The following TRAF3 variants were observed in gnomAD, a reference collection of about 807,000 sequenced individuals.
TRAF3 encodes TNF receptor associated factor 3.
Under a neutral mutation model 62.3 loss-of-function variants are expected in TRAF3, and 13 were observed. The observed-to-expected ratio is 0.21, with a 90% confidence interval of 0.14 to 0.33. The LOEUF is 0.33. TRAF3 is among the 10% of genes least tolerant of loss of function. The pLI is 1.00. For synonymous variants in TRAF3, 269 were observed against 283.4 expected, an observed-to-expected ratio of 0.95 and a Z score of 0.51; for missense variants, 440 against 741.8, an observed-to-expected ratio of 0.59 and a Z score of 4.73.
chr14:102,872,734 C>T (rs1268179998), intron 4 of TRAF3, among the ~76,000 whole-genome samples: 1 of 151,520 alleles, frequency 6.6e-6, no homozygotes, highest in Non-Finnish European at 1.5e-5. Context: ...TCTTGTTGCA[C>T]AGGCTGGAGC....
At position 102,905,313 on chromosome 14, in the gene TRAF3, C is replaced by T. The variant is rs1890535015; in HGVS notation, c.1236C>T (p.Ala412=). Residue 412 remains alanine (A), a synonymous_variant, in exon 12 of 12, where the codon GCC becomes GCT. Transcript: ENST00000392745. Reference sequence around the variant, plus strand: ...TGCGCTTCCAGGTCCTGGAGACCGCCAGCTACAATGGAGTGCTCATCTGGA... The same window carrying T: ...TGCGCTTCCAGGTCCTGGAGACCGCTAGCTACAATGGAGTGCTCATCTGGA... ...MDLRFQVLET[A]SYNGVLIWKI... 1.9e-6 allele frequency: 3 copies of T among 1,614,084 alleles called. No homozygotes were observed. The highest frequency in any genetic ancestry group is 2.5e-6 in the Non-Finnish European group (3 of 1,180,042).
chr14:102,890,213 G>A (rs1384059325), intron 8 of TRAF3, among the ~76,000 whole-genome samples: 1 of 152,240 alleles, frequency 6.6e-6, no homozygotes, highest in African/African-American at 2.4e-5. Flanking sequence ...TCTGCATCTG[G>A]TGTTTTGTTG....
In TRAF3 at chr14:102,872,064, C is replaced by T. The variant is rs573651585; in HGVS notation, c.297+96C>T. ...ATTCGGCACTCTGGCACAACACATT[C>T]TCTCAGTTTTGGCAGCTGATGCGGC... is the stretch of plus-strand genomic sequence containing the variant. On this transcript the variant is annotated intron_variant, in intron 4 of 11. Coordinates refer to ENST00000392745, the MANE Select transcript of TRAF3 (RefSeq NM_145725.3). 18 of 1,355,112 alleles carry T rather than the reference C, an allele frequency of 1.3e-5. No individual in the cohort carries two copies. In the South Asian group the frequency reaches 1.9e-4, roughly 14 times the overall value. 83.9% of individuals were successfully genotyped at this position (1,355,112 alleles called of 1,614,324 possible).
intron 1 of TRAF3, among the ~76,000 whole-genome samples, chr14:102,807,817 A>G (rs545575713): frequency 1.3e-5 from 2 of 152,310 alleles, no homozygotes; most frequent in Admixed American, 6.5e-5. Flanking sequence ...ACAGAAAGGT[A>G]GGCGCATAGT....
chr14:102,859,769 A>G (rs1887577164), intron 2 of TRAF3, among the ~76,000 whole-genome samples: 1 of 152,204 alleles, frequency 6.6e-6, no homozygotes, highest in Non-Finnish European at 1.5e-5. Context: ...AAATACACAG[A>G]CAGAAGAAAA....
intron 2 of TRAF3, among the ~76,000 whole-genome samples, chr14:102,866,367 A>G (rs1489685696): frequency 2.0e-5 from 3 of 152,178 alleles, no homozygotes; most frequent in African/African-American, 7.2e-5. Flanking sequence ...ATACCCATAT[A>G]ACAAGTCTGC....
intron 1 of TRAF3, among the ~76,000 whole-genome samples, chr14:102,825,267 G>A (rs879648384): frequency 3.9e-5 from 6 of 152,212 alleles, no homozygotes; most frequent in Non-Finnish European, 7.3e-5. Context: ...TTAAAGCCTC[G>A]CTGCCACCTC....
At chr14:102,806,081 G>A (rs1898756462) in intron 1 of TRAF3, among the ~76,000 whole-genome samples, 1 of 151,966 alleles carries the variant, frequency 6.6e-6, no homozygotes, top group Admixed American at 6.6e-5. Context: ...ACCTTCAGAA[G>A]TGGGGTGGGG....
intron 2 of TRAF3, among the ~76,000 whole-genome samples, chr14:102,846,870 G>C (rs937967840): frequency 4.6e-5 from 7 of 152,110 alleles, no homozygotes. Flanking sequence ...CGTATGTGGT[G>C]GAAGGGTTTT....
intron 9 of TRAF3, 128 bp downstream of exon 9, chr14:102,891,545 ACT>A (rs1889714573): frequency 3.9e-6 from 4 of 1,031,888 alleles, no homozygotes; most frequent in South Asian, 1.4e-5. Flanking sequence ...GTCAAAAAAA[ACT>A]CTGTGTGATC....
chr14:102,830,723 C>T (rs993371008), intron 2 of TRAF3, among the ~76,000 whole-genome samples: 3 of 152,168 alleles, frequency 2.0e-5, no homozygotes, highest in African/African-American at 7.2e-5. Context: ...GCCGAGCCTG[C>T]AAACTGGAAT....
At chr14:102,818,941 A>AT (rs910351811) in intron 1 of TRAF3, among the ~76,000 whole-genome samples, 1 of 151,716 alleles carries the variant, frequency 6.6e-6, no homozygotes. Context: ...AATAAATACA[A>AT]TTTTTTTTGT....
intron 2 of TRAF3, 135 bp from the exon 3 acceptor site, chr14:102,870,050 A>G (rs1410568054): frequency 6.7e-6 from 7 of 1,041,098 alleles, no homozygotes; most frequent in African/African-American, 6.3e-5. Context: ...CCCAACACAT[A>G]TTAAAGTTGG....
At chr14:102,829,133 A>G (rs1900506573) in intron 1 of TRAF3, among the ~76,000 whole-genome samples, 1 of 152,206 alleles carries the variant, frequency 6.6e-6, no homozygotes, top group Non-Finnish European at 1.5e-5. Context: ...GCAATGAATT[A>G]GTGGCCCCAA....
chr14:102,795,416 C>T (rs1448730627), intron 1 of TRAF3, among the ~76,000 whole-genome samples: 1 of 152,208 alleles, frequency 6.6e-6, no homozygotes, highest in Non-Finnish European at 1.5e-5. Flanking sequence ...CCCCAACAAC[C>T]CTGGCTGGAA....
At position 102,802,013 on chromosome 14, in the gene TRAF3, C is replaced by T. The variant is rs1212385330; in HGVS notation, c.-157+24338C>T. On this transcript the variant is annotated intron_variant, in intron 1 of 11. Transcript: ENST00000392745. Reference sequence around the variant, plus strand: ...CCTGGGCGACAGAGCGAGACTCCATCTCAAAAAAAAAAAAAAATTTTTTTT... The same window carrying T: ...CCTGGGCGACAGAGCGAGACTCCATTTCAAAAAAAAAAAAAAATTTTTTTT... Among the ~76,000 whole-genome samples, 4 of 127,312 alleles carry T rather than the reference C, an allele frequency of 3.1e-5. No individual in the cohort carries two copies. The East Asian group carries it at 1.1e-3, about 34-fold the overall frequency. The allele number at this position is 127,312 out of a possible 152,430, so 83.5% of individuals were successfully genotyped here. A position where few individuals can be genotyped will look rare whatever the true frequency, so the allele number is the denominator to read the frequency against.
intron 1 of TRAF3, among the ~76,000 whole-genome samples, chr14:102,813,917 A>G (rs1343304011): frequency 1.3e-5 from 2 of 152,112 alleles, no homozygotes; most frequent in African/African-American, 4.8e-5. Flanking sequence ...TTTTAGCTTG[A>G]TATAATCCCA....
chr14:102,798,177 T>C (rs910815892), intron 1 of TRAF3, among the ~76,000 whole-genome samples: 2 of 152,120 alleles, frequency 1.3e-5, no homozygotes, highest in Admixed American at 6.5e-5. Flanking sequence ...AAACAACATT[T>C]AAAACATTTA....
At chr14:102,779,640 A>G (rs1487964264) in intron 1 of TRAF3, among the ~76,000 whole-genome samples, 2 of 152,206 alleles carry the variant, frequency 1.3e-5, no homozygotes, top group Non-Finnish European at 2.9e-5. Flanking sequence ...ACGTATGCTA[A>G]TGATATTGTC....
Sources: allele counts gnomAD v4.1 joint callset (sites outside exome capture counted in the v4.1 genomes callset), GRCh38; gene constraint gnomAD v4.1.1; transcripts MANE v1.5; gene names NCBI Gene and HGNC (gene_info 2026-07-23, HGNC 2026-07-21).